CDCA2: variants seen among roughly 807,000 people sequenced by gnomAD.
CDCA2 encodes cell division cycle-associated protein 2.
CDCA2 carries 44 observed loss-of-function variants against 67.0 expected under a neutral mutation model. The observed-to-expected ratio is 0.66, with a 90% CI of 0.52 to 0.84. CDCA2 has a LOEUF of 0.84. Ranked by LOEUF, CDCA2 falls within the 40% of genes least tolerant of loss-of-function variation. The pLI, the probability that CDCA2 is intolerant of heterozygous loss-of-function variation, is 0.00. For synonymous variants in CDCA2, 447 were observed against 418.7 expected, an observed-to-expected ratio of 1.07 and a Z score of -0.82; for missense variants, 1,253 against 1,203.2, an observed-to-expected ratio of 1.04 and a Z score of -0.61.
chr8:25,463,508 C>T (rs1474594868), intron 4 of CDCA2, among the ~76,000 whole-genome samples: 1 of 152,018 alleles, frequency 6.6e-6, no homozygotes, highest in Non-Finnish European at 1.5e-5. Flanking sequence ...ACCTACAATA[C>T]ATAATACTTG....
intron 6 of CDCA2, among the ~76,000 whole-genome samples, chr8:25,469,010 A>T (rs1425913346): frequency 6.6e-6 from 1 of 152,252 alleles, no homozygotes; most frequent in Non-Finnish European, 1.5e-5. Flanking sequence ...AAAAGGCGAT[A>T]TTAGAAAAAT....
chr8:25,494,113 G>A (rs1405413918), intron 13 of CDCA2, among the ~76,000 whole-genome samples: 1 of 152,056 alleles, frequency 6.6e-6, no homozygotes, highest in African/African-American at 2.4e-5. Flanking sequence ...ATGCCAAGGG[G>A]ACACAGATGG....
At chr8:25,488,441 TG>T in intron 12 of CDCA2, 110 bp from the exon 13 acceptor site, 1 of 921,092 alleles carries the variant, frequency 1.1e-6, no homozygotes. Context: ...TAAGAATAAA[TG>T]GGATCTAAAG....
At chr8:25,487,510 G>C (rs2117523370) in intron 12 of CDCA2, among the ~76,000 whole-genome samples, 176 bp downstream of exon 12, 2 of 152,298 alleles carry the variant, frequency 1.3e-5, no homozygotes, top group Middle Eastern at 6.8e-3. Context: ...GGGAGGCCGA[G>C]GCAGGCGGAT....
chr8:25,461,933 G>C (rs1001173784), intron 3 of CDCA2, 121 bp from the exon 4 acceptor site: 1 of 928,148 alleles, frequency 1.1e-6, no homozygotes. Flanking sequence ...ACTCTCCACT[G>C]AGTTTTTTGT....
At chr8:25,484,694 CTATCCTCCCA>C (rs1174603554) in intron 10 of CDCA2, among the ~76,000 whole-genome samples, 1 of 151,086 alleles carries the variant, frequency 6.6e-6, no homozygotes, top group Non-Finnish European at 1.5e-5. Context: ...CAGGCTCAAG[CTATCCTCCCA>C]TATCCTCCCG....
At chr8:25,490,295 A>G (rs1422904542) in intron 13 of CDCA2, among the ~76,000 whole-genome samples, 3 of 152,114 alleles carry the variant, frequency 2.0e-5, no homozygotes, top group Non-Finnish European at 2.9e-5. Context: ...AGGATTGAGC[A>G]TTAAGTCACT....
chr8:25,484,881 G>C (rs1189366439), intron 10 of CDCA2, among the ~76,000 whole-genome samples: 1 of 152,136 alleles, frequency 6.6e-6, no homozygotes, highest in East Asian at 1.9e-4. Flanking sequence ...TCAGCATTGT[G>C]ATTTCAGCAT....
chr8:25,469,950 C>T lies in CDCA2; in HGVS notation c.790C>T (p.Pro264Ser). The change falls in exon 7 of 15, where the codon CCC (proline) becomes TCC (serine). Residue 264 changes from proline to serine, a missense_variant. Pro to Ser is a moderately conservative substitution (Grantham distance 74, BLOSUM62 -1). Coordinates refer to ENST00000330560, the MANE Select transcript of CDCA2 (RefSeq NM_152562.4). ...TGGATTTTTAGTTGAAGAGTCTCTTCCCCTTTCAGAGCTCACAGAGACTTC... is the reference window on the plus strand; with the variant it reads ...TGGATTTTTAGTTGAAGAGTCTCTTTCCCTTTCAGAGCTCACAGAGACTTC... Reference protein sequence around the residue: ...QSGFLVEESLPLSELTETSNA... With the variant: ...QSGFLVEESLSLSELTETSNA... The T allele has an allele frequency of 6.2e-7, 1 of 1,611,442 alleles. No homozygotes were observed. The highest frequency in any genetic ancestry group is 8.5e-7 in the Non-Finnish European group (1 of 1,178,286).
Position 25,460,491 on chromosome 8 carries a change from T to A in CDCA2, c.169T>A (p.Phe57Ile), listed in dbSNP as rs1200568896. Residue 57 changes from phenylalanine (F) to isoleucine (I), a missense_variant, in exon 3 of 15, where the codon TTT becomes ATT. Phe to Ile is a conservative substitution (Grantham distance 21). Coordinates refer to ENST00000330560, the MANE Select transcript of CDCA2 (RefSeq NM_152562.4). ...AGATACTTTTAAATCACCTTTGAAC[T>A]TTTCCACAGTAACCGTAGAGCAATT... Reference protein sequence around the residue: ...TPDTFKSPLNFSTVTVEQLGI... With the variant: ...TPDTFKSPLNISTVTVEQLGI... The A allele has an allele frequency of 6.2e-7, 1 of 1,614,208 alleles. No individual in the cohort carries two copies. The highest frequency in any genetic ancestry group is 8.5e-7 in the Non-Finnish European group (1 of 1,180,040).
chr8:25,492,848 A>G (rs1804066820), intron 13 of CDCA2, among the ~76,000 whole-genome samples: 1 of 152,234 alleles, frequency 6.6e-6, no homozygotes, highest in Non-Finnish European at 1.5e-5. Context: ...GTGAAAAGTG[A>G]GTTAAGGTAG....
At chr8:25,483,099 C>A (rs778487878) in intron 8 of CDCA2, among the ~76,000 whole-genome samples, 3 of 152,092 alleles carry the variant, frequency 2.0e-5, no homozygotes, top group African/African-American at 4.8e-5. Flanking sequence ...TAGCTACTCA[C>A]GTTTTCCTTA....
At chr8:25,469,165 G>C (rs557158206) in intron 6 of CDCA2, among the ~76,000 whole-genome samples, 3 of 152,308 alleles carry the variant, frequency 2.0e-5, no homozygotes, top group Admixed American at 2.0e-4. Flanking sequence ...ACCTAACACC[G>C]TTACAGTTGG....
At chr8:25,490,508 C>A (rs1226803573) in intron 13 of CDCA2, among the ~76,000 whole-genome samples, 2 of 151,892 alleles carry the variant, frequency 1.3e-5, no homozygotes, top group African/African-American at 2.4e-5. Flanking sequence ...TCAGAATGTG[C>A]TAGGAGGGAG....
intron 9 of CDCA2, 69 bp downstream of exon 9, chr8:25,483,555 T>C (rs1212698804): frequency 4.4e-6 from 5 of 1,132,376 alleles, no homozygotes; most frequent in Non-Finnish European, 6.5e-6. Context: ...TAGTATAATA[T>C]ATGAAATTTT....
intron 7 of CDCA2, among the ~76,000 whole-genome samples, chr8:25,471,469 T>G (rs1803152509): frequency 6.6e-6 from 1 of 152,098 alleles, no homozygotes; most frequent in Non-Finnish European, 1.5e-5. Context: ...TTCAAGCAAT[T>G]ATCTGCCTCG....
At chr8:25,477,667 A>G (rs1040622593) in intron 7 of CDCA2, among the ~76,000 whole-genome samples, 2 of 152,206 alleles carry the variant, frequency 1.3e-5, no homozygotes, top group African/African-American at 4.8e-5. Flanking sequence ...ACATTATCAC[A>G]TGCTGTTGAC....
chr8:25,475,504 G>A (rs560030892), intron 7 of CDCA2, among the ~76,000 whole-genome samples: 4 of 152,310 alleles, frequency 2.6e-5, no homozygotes, highest in East Asian at 1.9e-4. Context: ...GGGCGACAGC[G>A]AGACTCCATC....
In CDCA2 at chr8:25,460,439, C is replaced by T. The variant is rs375921238; in HGVS notation, c.117C>T (p.Ala39=). ...TGKIVTPQKH[A]ELPPNPCTPD... is the part of the protein sequence containing the mutation. ...AGATTGTGACTCCTCAGAAGCATGC[C>T]GAATTACCTCCTAATCCTTGCACAC... The change falls in exon 3 of 15, where the codon GCC becomes GCT. Residue 39 remains alanine (A), a synonymous_variant. Coordinates refer to ENST00000330560, the MANE Select transcript of CDCA2 (RefSeq NM_152562.4). 3 of 1,613,954 alleles carry T rather than the reference C, an allele frequency of 1.9e-6. No individual in the cohort carries two copies. The highest frequency in any genetic ancestry group is 3.3e-5 in the Admixed American group (2 of 59,986).
Sources: gnomAD v4.1 joint callset for allele counts (sites outside exome capture counted in the v4.1 genomes callset) on GRCh38, gnomAD v4.1.1 for gene constraint, MANE v1.5 for transcripts, NCBI Gene and HGNC (gene_info 2026-07-23, HGNC 2026-07-21) for gene names.